The following SLC22A24 variants were observed in gnomAD, a reference collection of about 807,000 sequenced individuals.
SLC22A24 encodes the protein solute carrier family 22 member 24.
Under a neutral mutation model 49.8 loss-of-function variants are expected in SLC22A24, and 53 were observed. The observed-to-expected ratio is 1.06, with a 90% CI of 0.85 to 1.34. The LOEUF (loss-of-function observed/expected upper bound fraction) is 1.34, where lower values mean the gene tolerates loss of function less well. Ranked by LOEUF, SLC22A24 falls within the 40% of genes most tolerant of loss-of-function variation. The pLI is 0.00. For missense variants in SLC22A24, 786 were observed against 675.9 expected (o/e 1.16, Z -1.81); for synonymous variants, 302 against 256.4 (o/e 1.18, Z -1.70).
chr11:63,123,236 A>C (rs999416377), intron 2 of SLC22A24, among the ~76,000 whole-genome samples: 1 of 152,192 alleles, frequency 6.6e-6, no homozygotes, highest in Non-Finnish European at 1.5e-5. Flanking sequence ...TAATGAATAC[A>C]GGGTAACTTT....
At position 63,106,717 on chromosome 11, in the gene SLC22A24, T is replaced by G. The variant is rs182187035; in HGVS notation, c.831-2419A>C. Among the ~76,000 whole-genome samples, 1,228 of 152,270 alleles carry G rather than the reference T, an allele frequency of 8.1e-3. 5 individuals carry two copies. Among genetic ancestry groups the G allele is most frequent in the South Asian group, 0.024 (118 of 4,824 alleles). ...TTTTTTCATGTGTTTTTTGACTGCA[T>G]AAATGTCTTCTTTTGAGAAGTGTCT... On this transcript the variant is annotated intron_variant, in intron 4 of 9. Transcript: ENST00000612278.
At chr11:63,098,019 T>C (rs532649822) in intron 5 of SLC22A24, among the ~76,000 whole-genome samples, 12 of 152,190 alleles carry the variant, frequency 7.9e-5, no homozygotes, top group Non-Finnish European at 1.2e-4. Flanking sequence ...CAAACCACCA[T>C]GGCACATGTA....
intron 6 of SLC22A24, among the ~76,000 whole-genome samples, chr11:63,095,384 C>G (rs1431470417): frequency 6.6e-6 from 1 of 152,032 alleles, no homozygotes; most frequent in Non-Finnish European, 1.5e-5. Context: ...AGAAAATGAC[C>G]TACAATTAAT....
chr11:63,093,841 A>G (rs2087035514), intron 6 of SLC22A24, among the ~76,000 whole-genome samples: 1 of 152,120 alleles, frequency 6.6e-6, no homozygotes, highest in Non-Finnish European at 1.5e-5. Flanking sequence ...CCTTGAACTT[A>G]AAATGTAAGT....
intron 1 of SLC22A24, among the ~76,000 whole-genome samples, chr11:63,142,563 C>T (rs1452095663): frequency 6.6e-6 from 1 of 152,156 alleles, no homozygotes; most frequent in Non-Finnish European, 1.5e-5. Context: ...TTAACGTTAG[C>T]CACAGGATTA....
intron 2 of SLC22A24, among the ~76,000 whole-genome samples, chr11:63,130,911 G>A (rs1057085062): frequency 1.3e-5 from 2 of 151,946 alleles, no homozygotes; most frequent in Non-Finnish European, 2.9e-5. Context: ...GGTAGTCTAA[G>A]TCTTTTTGTA....
At position 63,119,301 on chromosome 11, in the gene SLC22A24, G is replaced by A; in HGVS notation, c.541C>T (p.Leu181Phe). 2 of 1,550,092 alleles carry A rather than the reference G, an allele frequency of 1.3e-6. No individual in the cohort carries two copies. The highest frequency in any genetic ancestry group is 1.7e-6 in the Non-Finnish European group (2 of 1,146,536). The part of the protein sequence containing the change: ...GRKIICKLCF[L>F]QLAISNTCAA... Reference sequence around the variant, plus strand: ...CAGGTGTTAGAGATGGCCAGCTGGAGGAAACACAATTTGCATATGATCTTC... The same window carrying A: ...CAGGTGTTAGAGATGGCCAGCTGGAAGAAACACAATTTGCATATGATCTTC... Residue 181 changes from leucine to phenylalanine, a missense_variant, in exon 3 of 10, where the codon CTC becomes TTC. Leu to Phe is a conservative substitution (Grantham distance 22). Transcript: ENST00000612278.
chr11:63,081,497 A>G, intron 8 of SLC22A24, 61 bp downstream of exon 8: 1 of 1,161,128 alleles, frequency 8.6e-7, no homozygotes, highest in Non-Finnish European at 1.3e-6. Flanking sequence ...TTCATTCACA[A>G]TGAATATCAA....
intron 4 of SLC22A24, among the ~76,000 whole-genome samples, chr11:63,116,616 G>A (rs916966751): frequency 2.6e-5 from 4 of 152,016 alleles, no homozygotes; most frequent in African/African-American, 9.7e-5. Flanking sequence ...TGAATTTCTT[G>A]GGTGTGTAGA....
At position 63,118,981 on chromosome 11, in the gene SLC22A24, G is replaced by A; in HGVS notation, c.761C>T (p.Ala254Val). The change falls in exon 4 of 10, where the codon GCC becomes GTC. Residue 254 changes from alanine to valine, a missense_variant. Physicochemically the swap from Ala to Val is moderately conservative, Grantham distance 64 (BLOSUM62 0). Transcript: ENST00000612278. ...TTGCAATATGTGCCAGTCCTGAATG[G>A]CAAAAGCCAGCCCTCCTAGGAGCAT... ...GQMLLGGLAF[A>V]IQDWHILQLT... is the part of the protein sequence containing the mutation. 2.6e-6 allele frequency: 4 copies of A among 1,551,876 alleles called. No homozygotes were observed. In the South Asian group the frequency reaches 3.6e-5, roughly 14 times the overall value.
chr11:63,124,535 G>A (rs1252250170), intron 2 of SLC22A24, among the ~76,000 whole-genome samples: 1 of 152,172 alleles, frequency 6.6e-6, no homozygotes, highest in Non-Finnish European at 1.5e-5. Context: ...AACTTCTAGA[G>A]TTCCTTTACT....
At chr11:63,136,255 G>A (rs901360496) in intron 1 of SLC22A24, among the ~76,000 whole-genome samples, 3 of 150,872 alleles carry the variant, frequency 2.0e-5, no homozygotes, top group African/African-American at 5.0e-5. Flanking sequence ...CGAAAAAAAG[G>A]TCATGGTCAC....
chr11:63,139,149 T>C (rs2134685671), intron 1 of SLC22A24, among the ~76,000 whole-genome samples: 1 of 152,270 alleles, frequency 6.6e-6, no homozygotes, highest in Non-Finnish European at 1.5e-5. Context: ...AAAGCTTTTT[T>C]CTTCTCAGTC....
chr11:63,116,631 T>C (rs1428156375), intron 4 of SLC22A24, among the ~76,000 whole-genome samples: 1 of 152,144 alleles, frequency 6.6e-6, no homozygotes, highest in Admixed American at 6.5e-5. Flanking sequence ...TGTAGATTAA[T>C]GTTTCCAACA....
intron 1 of SLC22A24, among the ~76,000 whole-genome samples, chr11:63,140,759 G>T (rs1042188402): frequency 1.3e-5 from 2 of 152,184 alleles, no homozygotes; most frequent in Non-Finnish European, 2.9e-5. Context: ...GACATACAAG[G>T]TGCGTAGGGA....
intron 4 of SLC22A24, among the ~76,000 whole-genome samples, chr11:63,111,506 G>C (rs1385505301): frequency 1.3e-5 from 2 of 152,024 alleles, no homozygotes; most frequent in African/African-American, 4.8e-5. Flanking sequence ...GTAAGCTATT[G>C]ATTATTGCCA....
chr11:63,136,518 C>T (rs2087375888), intron 1 of SLC22A24, among the ~76,000 whole-genome samples: 2 of 152,226 alleles, frequency 1.3e-5, no homozygotes, highest in Admixed American at 6.5e-5. Context: ...ATTCACCTGA[C>T]CTCTTGCCAA....
At chr11:63,126,249 A>G (rs1270551562) in intron 2 of SLC22A24, among the ~76,000 whole-genome samples, 1 of 152,140 alleles carries the variant, frequency 6.6e-6, no homozygotes, top group Non-Finnish European at 1.5e-5. Flanking sequence ...TATGACCTGA[A>G]TGGTATTGAC....
intron 5 of SLC22A24, among the ~76,000 whole-genome samples, chr11:63,102,779 C>G (rs1224061358): frequency 6.6e-6 from 1 of 152,118 alleles, no homozygotes; most frequent in Non-Finnish European, 1.5e-5. Flanking sequence ...ATTTTCCATG[C>G]CTTGAGACCT....
Sources: allele counts gnomAD v4.1 joint callset (sites outside exome capture counted in the v4.1 genomes callset), GRCh38; gene constraint gnomAD v4.1.1; transcripts MANE v1.5; gene names NCBI Gene and HGNC (gene_info 2026-07-23, HGNC 2026-07-21).